CNTN5: variants seen among roughly 807,000 people sequenced by gnomAD.
The protein encoded by CNTN5 is contactin 5, also known as contactin-5.
A neutral mutation model predicts 129.1 loss-of-function variants in CNTN5; 77 were observed. The observed-to-expected ratio is 0.60, with a 90% CI of 0.50 to 0.72. The LOEUF (loss-of-function observed/expected upper bound fraction) is 0.72, where lower values mean the gene tolerates loss of function less well. Among genes scored for constraint, CNTN5 ranks in the 30% least tolerant of loss-of-function variants. CNTN5 has a pLI of 0.00. For missense variants in CNTN5, 1,478 were observed against 1,328.8 expected, an observed-to-expected ratio of 1.11 and a Z score of -1.75; for synonymous variants, 509 against 465.6, an observed-to-expected ratio of 1.09 and a Z score of -1.20.
chr11:100,195,172 T>A (rs1003890267), intron 15 of CNTN5, among the ~76,000 whole-genome samples: 1 of 152,022 alleles, frequency 6.6e-6, no homozygotes, highest in African/African-American at 2.4e-5. Context: ...ATATCACATT[T>A]TGATTAAAAA....
chr11:100,284,413 C>A lies in CNTN5; in HGVS notation c.2314+13172C>A, dbSNP rs513364. The stretch of plus-strand genomic sequence containing the variant: ...TAGATTGATAAATAAAGATAGACAG[C>A]CCTGTGTTTAATTTTTGAAATCTGT... On this transcript the variant is annotated intron_variant, in intron 18 of 24. Transcript: ENST00000524871. Among the ~76,000 whole-genome samples, 19 of 152,192 alleles carry A rather than the reference C, an allele frequency of 1.2e-4. No individual in the cohort carries two copies. In the South Asian group the frequency reaches 3.7e-3, roughly 30 times the overall value.
chr11:99,591,217 T>C (rs1338791424), intron 3 of CNTN5, among the ~76,000 whole-genome samples: 2 of 152,136 alleles, frequency 1.3e-5, no homozygotes, highest in African/African-American at 2.4e-5. Context: ...AGCTTTTTCT[T>C]GGACAGCAAA....
At chr11:99,762,329 A>G (rs917967117) in intron 3 of CNTN5, among the ~76,000 whole-genome samples, 10 of 151,708 alleles carry the variant, frequency 6.6e-5, no homozygotes, top group South Asian at 2.1e-4. Context: ...TTTAGACATG[A>G]AGTCCTTGCC....
intron 21 of CNTN5, among the ~76,000 whole-genome samples, chr11:100,314,432 T>C (rs1951537594): frequency 6.6e-6 from 1 of 152,136 alleles, no homozygotes; most frequent in African/African-American, 2.4e-5. Context: ...AAGATATCAT[T>C]TCTGAAGTCA....
chr11:99,718,084 T>C (rs1943041334), intron 3 of CNTN5, among the ~76,000 whole-genome samples: 1 of 152,182 alleles, frequency 6.6e-6, no homozygotes, highest in Non-Finnish European at 1.5e-5. Flanking sequence ...CTCTCCTTAA[T>C]AGAATTCTAC....
intron 3 of CNTN5, among the ~76,000 whole-genome samples, chr11:99,582,203 T>C (rs1949628589): frequency 6.6e-6 from 1 of 152,208 alleles, no homozygotes; most frequent in Non-Finnish European, 1.5e-5. Context: ...CAGCTGTTAG[T>C]CTGATGGGCT....
intron 3 of CNTN5, among the ~76,000 whole-genome samples, chr11:99,572,949 C>G (rs1949222861): frequency 6.6e-6 from 1 of 151,826 alleles, no homozygotes; most frequent in African/African-American, 2.4e-5. Flanking sequence ...TGCGGGAGAA[C>G]AGTGGAGCCA....
At chr11:99,632,619 T>A (rs1283125331) in intron 3 of CNTN5, among the ~76,000 whole-genome samples, 2 of 152,146 alleles carry the variant, frequency 1.3e-5, no homozygotes, top group Admixed American at 1.3e-4. Context: ...TTCACAAAAT[T>A]GAAAGTAGAG....
rs969604289 is a variant in CNTN5, at chr11:99,874,947, C to G, written c.577+29685C>G. On this transcript the variant is annotated intron_variant, in intron 6 of 24. Transcript: ENST00000524871. The stretch of plus-strand genomic sequence containing the variant: ...CCAGCTTCCTCTCAGTGTGCTGTGA[C>G]AAGCCACAAAGTTAAAATTCATCAT... Among the ~76,000 whole-genome samples, 5 of 152,078 alleles carry G rather than the reference C, an allele frequency of 3.3e-5. No homozygotes were observed. The East Asian group carries it at 9.6e-4, about 29-fold the overall frequency.
At chr11:100,101,438 A>G (rs1196456062) in intron 13 of CNTN5, among the ~76,000 whole-genome samples, 1 of 152,098 alleles carries the variant, frequency 6.6e-6, no homozygotes, top group Non-Finnish European at 1.5e-5. Context: ...TCAGTCATGT[A>G]TCTTTTACAC....
chr11:100,250,050 AT>A (rs1207892081), intron 16 of CNTN5, among the ~76,000 whole-genome samples: 3 of 152,196 alleles, frequency 2.0e-5, no homozygotes, highest in African/African-American at 7.2e-5. Context: ...TCATAAAAGT[AT>A]TTCAGATTTA....
chr11:99,419,198 A>AG (rs1942785680), intron 2 of CNTN5, among the ~76,000 whole-genome samples: 1 of 152,158 alleles, frequency 6.6e-6, no homozygotes, highest in Non-Finnish European at 1.5e-5. Context: ...ACCTGAGCAC[A>AG]ACAGCACTGC....
chr11:99,103,516 C>G (rs1866841887), intron 1 of CNTN5, among the ~76,000 whole-genome samples: 1 of 151,916 alleles, frequency 6.6e-6, no homozygotes, highest in African/African-American at 2.4e-5. Flanking sequence ...TTTTTTATTT[C>G]AATTTAGAAT....
At chr11:99,934,943 TATATACAC>T (rs1950280836) in intron 7 of CNTN5, among the ~76,000 whole-genome samples, 3 of 81,232 alleles carry the variant, frequency 3.7e-5, no homozygotes, top group African/African-American at 6.2e-5. Flanking sequence ...TATATATATA[TATATACAC>T]ACACATATAT....
intron 1 of CNTN5, among the ~76,000 whole-genome samples, chr11:99,288,657 T>C (rs570315892): frequency 1.3e-5 from 2 of 152,044 alleles, no homozygotes; most frequent in South Asian, 4.1e-4. Flanking sequence ...TTTCATTCTC[T>C]ACAAAGGAAT....
chr11:99,903,559 C>T (rs1019692137), intron 6 of CNTN5, among the ~76,000 whole-genome samples: 4 of 152,026 alleles, frequency 2.6e-5, no homozygotes, highest in Non-Finnish European at 5.9e-5. Flanking sequence ...AAAGAAATAA[C>T]TGTGTCATCT....
intron 9 of CNTN5, among the ~76,000 whole-genome samples, chr11:100,035,797 T>C (rs1465933172): frequency 2.0e-5 from 3 of 152,008 alleles, no homozygotes; most frequent in African/African-American, 7.2e-5. Flanking sequence ...TCATATCCTT[T>C]GCCCACTTTT....
chr11:99,857,545 T>G lies in CNTN5; in HGVS notation c.577+12283T>G, dbSNP rs1948078040. Among the ~76,000 whole-genome samples the G allele has an allele frequency of 2.0e-5, 3 of 152,194 alleles. No individual in the cohort carries two copies. The South Asian group carries it at 6.2e-4, about 31-fold the overall frequency. ...GATGATAGTCAAATAATTGCTACAT[T>G]GAAAATGAATATTAATAACTATGTT... On this transcript the variant is annotated intron_variant, in intron 6 of 24. Transcript: ENST00000524871.
intron 3 of CNTN5, among the ~76,000 whole-genome samples, chr11:99,787,388 CTTTA>C (rs764633821): frequency 9.9e-5 from 15 of 151,208 alleles, no homozygotes; most frequent in Non-Finnish European, 1.8e-4. Flanking sequence ...TATTAAAAAT[CTTTA>C]TTTAAAATAT....
Sources: gnomAD v4.1 joint callset for allele counts (sites outside exome capture counted in the v4.1 genomes callset) on GRCh38, gnomAD v4.1.1 for gene constraint, MANE v1.5 for transcripts, NCBI Gene and HGNC (gene_info 2026-07-23, HGNC 2026-07-21) for gene names.